The following THAP2 variants were observed in gnomAD, a reference collection of about 807,000 sequenced individuals.
THAP2 encodes THAP domain-containing protein 2.
Under a neutral mutation model 18.8 loss-of-function variants are expected in THAP2, and 16 were observed. That is an observed-to-expected ratio of 0.85 (90% CI 0.58 to 1.29). The LOEUF (loss-of-function observed/expected upper bound fraction) is 1.29. Among genes scored for constraint, THAP2 ranks in the 50% most tolerant of loss-of-function variants. The pLI is 0.00. For synonymous variants in THAP2, 80 were observed against 89.2 expected (o/e 0.90, Z 0.58); for missense variants, 251 against 265.3 (o/e 0.95, Z 0.38).
In THAP2 at chr12:71,677,682, G is replaced by T. The variant is rs566286438; in HGVS notation, c.*574G>T. 1 of 152,156 alleles carries T rather than the reference G, an allele frequency of 6.6e-6. No individual in the cohort carries two copies. Among genetic ancestry groups the T allele is most frequent in the African/African-American group, 2.4e-5 (1 of 41,520 alleles). The allele number at this position is 152,156 out of a possible 1,614,324, so 9.4% of individuals were successfully genotyped here. ...TCTCATAAGAATGATTTTAAAATAG[G>T]TTGTAAAATATTTTGAAAATATTTG... is the stretch of plus-strand genomic sequence containing the variant. On this transcript the variant is annotated 3_prime_UTR_variant, in exon 3 of 3. Coordinates refer to ENST00000308086, the MANE Select transcript of THAP2 (RefSeq NM_031435.4).
At position 71,664,392 on chromosome 12, in the gene THAP2, G is replaced by A. The variant is rs1031797385; in HGVS notation, c.-118G>A. 2.4e-6 allele frequency: 3 copies of A among 1,267,784 alleles called. No homozygotes were observed. Among genetic ancestry groups the A allele is most frequent in the Non-Finnish European group, 3.4e-6 (3 of 873,248 alleles). The allele number at this position is 1,267,784 out of a possible 1,614,324, so 78.5% of individuals were successfully genotyped here. On this transcript the variant is annotated 5_prime_UTR_variant, in exon 1 of 3. Coordinates refer to ENST00000308086, the MANE Select transcript of THAP2 (RefSeq NM_031435.4). ...CCCCTTCTTCCCACTCCGCTCTCAC[G>A]ACTAAGCTCTCACGATTAAGGCACG...
chr12:71,675,673 T>C (rs1348323310), intron 2 of THAP2, among the ~76,000 whole-genome samples: 1 of 152,084 alleles, frequency 6.6e-6, no homozygotes, highest in Non-Finnish European at 1.5e-5. Flanking sequence ...CTTATGAGGA[T>C]ATGATATAAT....
intron 1 of THAP2, among the ~76,000 whole-genome samples, chr12:71,670,169 C>T (rs982652445): frequency 6.6e-6 from 1 of 151,984 alleles, no homozygotes; most frequent in African/African-American, 2.4e-5. Context: ...CTAGTATATG[C>T]GATATACCCA....
chr12:71,673,148 T>C (rs1265147955), intron 1 of THAP2, among the ~76,000 whole-genome samples: 1 of 152,164 alleles, frequency 6.6e-6, no homozygotes, highest in Non-Finnish European at 1.5e-5. Context: ...TTTTGATAAT[T>C]TTAACTTTTA....
rs542863057 is a variant in THAP2 at position 71,665,986 on chromosome 12, C to T, written c.71+1406C>T. Among the ~76,000 whole-genome samples, 177 of 152,288 alleles carry T rather than the reference C, an allele frequency of 1.2e-3. 1 individual carries two copies. Among genetic ancestry groups the T allele is most frequent in the African/African-American group, 4.0e-3 (168 of 41,554 alleles). ...AATGTCAACTAAACTAAACCCTTTA[C>T]TCAGTTGCTGGCACAATCAGCATTG... On this transcript the variant is annotated intron_variant, in intron 1 of 2. Coordinates refer to ENST00000308086, the MANE Select transcript of THAP2 (RefSeq NM_031435.4).
chr12:71,675,068 T>C (rs1881501396), intron 2 of THAP2, among the ~76,000 whole-genome samples: 3 of 151,988 alleles, frequency 2.0e-5, no homozygotes, highest in Admixed American at 2.0e-4. Flanking sequence ...ATGTTTTATC[T>C]AGTTAGGGAA....
At position 71,674,909 on chromosome 12, in the gene THAP2, A is replaced by C. The variant is rs539147607; in HGVS notation, c.267+511A>C. Among the ~76,000 whole-genome samples, 216 of 152,198 alleles carry C rather than the reference A, an allele frequency of 1.4e-3. 3 individuals are homozygous for C. Among genetic ancestry groups the C allele is most frequent in the Middle Eastern group, 0.01 (3 of 294 alleles). On this transcript the variant is annotated intron_variant, in intron 2 of 2. Coordinates refer to ENST00000308086, the MANE Select transcript of THAP2 (RefSeq NM_031435.4). ...CTTTGCACAGAATAATTACAGTTGC[A>C]TAATGAGAACAAAAACGAGTGGGTT...
At chr12:71,670,393 T>C (rs944852673) in intron 1 of THAP2, among the ~76,000 whole-genome samples, 2 of 152,180 alleles carry the variant, frequency 1.3e-5, no homozygotes, top group African/African-American at 4.8e-5. Context: ...CAGCCCCTTA[T>C]ATTTGTCTCT....
chr12:71,666,919 A>C (rs1592610230), intron 1 of THAP2, among the ~76,000 whole-genome samples: 2 of 152,196 alleles, frequency 1.3e-5, no homozygotes, highest in African/African-American at 4.8e-5. Context: ...TTTTTAGAAG[A>C]GATGGGGTTT....
chr12:71,677,264 C>T lies in THAP2; in HGVS notation c.*156C>T, dbSNP rs892842580. The T allele has an allele frequency of 3.0e-5, 21 of 697,888 alleles. 1 individual carries two copies. The South Asian group carries it at 5.7e-4, about 19-fold the overall frequency. The allele number at this position is 697,888 out of a possible 1,614,324, so 43.2% of individuals were successfully genotyped here. On this transcript the variant is annotated 3_prime_UTR_variant, in exon 3 of 3. Transcript: ENST00000308086. ...TTGATTACAAAAGAATAAAAAACTT[C>T]ATATGGAAATTTTATTTGAAAATGA...
At chr12:71,666,505 C>G (rs972328713) in intron 1 of THAP2, among the ~76,000 whole-genome samples, 6 of 151,580 alleles carry the variant, frequency 4.0e-5, no homozygotes, top group African/African-American at 1.5e-4. Flanking sequence ...ACAGTGAGAC[C>G]CTGTCTCAAG....
chr12:71,669,096 G>C (rs1259985715), intron 1 of THAP2, among the ~76,000 whole-genome samples: 2 of 152,178 alleles, frequency 1.3e-5, no homozygotes, highest in Non-Finnish European at 2.9e-5. Context: ...TTCATTCATT[G>C]ATTCAGAAAA....
chr12:71,677,047 A>G lies in THAP2; in HGVS notation c.626A>G (p.Asp209Gly). 1 of 1,613,066 alleles carries G rather than the reference A, an allele frequency of 6.2e-7. No homozygotes were observed. The highest frequency in any genetic ancestry group is 2.2e-5 in the East Asian group (1 of 44,858). ...GAAGATTTTAAGATCCTTGAACAAGATCAACAAGATAAAACACTGCTAAGT... is the reference window on the plus strand; with the variant it reads ...GAAGATTTTAAGATCCTTGAACAAGGTCAACAAGATAAAACACTGCTAAGT... Reference protein sequence around the residue: ...PLEDFKILEQDQQDKTLLSLN... With the variant: ...PLEDFKILEQGQQDKTLLSLN... Residue 209 changes from aspartate (D) to glycine (G), a missense_variant, in exon 3 of 3, where the codon GAT (aspartate) becomes GGT (glycine). Coordinates refer to ENST00000308086, the MANE Select transcript of THAP2 (RefSeq NM_031435.4).
chr12:71,670,679 C>T (rs1007555334), intron 1 of THAP2, among the ~76,000 whole-genome samples: 1 of 152,106 alleles, frequency 6.6e-6, no homozygotes, highest in Non-Finnish European at 1.5e-5. Context: ...TGGCTCACCC[C>T]TGTAATCCCA....
At position 71,677,499 on chromosome 12, in the gene THAP2, A is replaced by T. The variant is rs949632366; in HGVS notation, c.*391A>T. On this transcript the variant is annotated 3_prime_UTR_variant, in exon 3 of 3. Coordinates refer to ENST00000308086, the MANE Select transcript of THAP2 (RefSeq NM_031435.4). ...AGATGCTAAATAAGAGTTAACCAACATTCAACATGACCTTAAAACTGCTGG... is the reference window on the plus strand; with the variant it reads ...AGATGCTAAATAAGAGTTAACCAACTTTCAACATGACCTTAAAACTGCTGG... 6.5e-6 allele frequency: 1 copy of T among 153,066 alleles called. No individual in the cohort carries two copies. The highest frequency in any genetic ancestry group is 2.4e-5 in the African/African-American group (1 of 41,496). 9.5% of individuals were successfully genotyped at this position (153,066 alleles called of 1,614,324 possible).
intron 1 of THAP2, among the ~76,000 whole-genome samples, chr12:71,667,118 C>T (rs1275163308): frequency 6.6e-6 from 1 of 152,200 alleles, no homozygotes; most frequent in Non-Finnish European, 1.5e-5. Flanking sequence ...CAACTCAAGT[C>T]TTAAGTCTCC....
chr12:71,667,169 A>G (rs1881357701), intron 1 of THAP2, among the ~76,000 whole-genome samples: 1 of 152,088 alleles, frequency 6.6e-6, no homozygotes, highest in African/African-American at 2.4e-5. Context: ...CATGACCTTA[A>G]TGTCTCTCTA....
intron 1 of THAP2, chr12:71,664,812 G>GT (rs151136858): frequency 0.069 from 48,685 of 705,286 alleles, 1,982 homozygotes; most frequent in South Asian, 0.086. Context: ...TTACCCCTTA[G>GT]TAAAAAAAAG....
intron 1 of THAP2, chr12:71,665,018 T>C (rs17110130): frequency 0.069 from 48,462 of 701,034 alleles, 1,996 homozygotes; most frequent in South Asian, 0.086. Flanking sequence ...AATAGTCACA[T>C]AGTAATTCTG....
Sources: allele counts gnomAD v4.1 joint callset (sites outside exome capture counted in the v4.1 genomes callset), GRCh38; gene constraint gnomAD v4.1.1; transcripts MANE v1.5; gene names NCBI Gene and HGNC (gene_info 2026-07-23, HGNC 2026-07-21).